Variants in SLC25A26 observed in about 807,000 individuals in gnomAD.
SLC25A26 encodes solute carrier family 25 member 26.
In SLC25A26, 36 loss-of-function variants were observed where a neutral mutation model predicts 37.8. That is an observed-to-expected ratio of 0.95 (90% confidence interval 0.73 to 1.26). The LOEUF (loss-of-function observed/expected upper bound fraction) is 1.26, where lower values mean the gene tolerates loss of function less well. Among genes scored for constraint, SLC25A26 ranks in the 50% most tolerant of loss-of-function variants. The pLI, the probability that SLC25A26 is intolerant of heterozygous loss-of-function variation, is 0.00. For synonymous variants in SLC25A26, 129 were observed against 122.5 expected (o/e 1.05, Z -0.35); for missense variants, 390 against 331.1 (o/e 1.18, Z -1.38).
upstream of SLC25A26, among the ~76,000 whole-genome samples, chr3:66,220,300 A>G (rs1451606161): frequency 3.3e-5 from 5 of 152,196 alleles, no homozygotes; most frequent in East Asian, 9.6e-4. Flanking sequence ...CACGTCTGAG[A>G]TGTAGTTGGC....
chr3:66,280,448 T>C (rs891894827), intron 5 of SLC25A26, among the ~76,000 whole-genome samples: 4 of 152,214 alleles, frequency 2.6e-5, no homozygotes, highest in Non-Finnish European at 5.9e-5. Flanking sequence ...AACCATTTTA[T>C]ATGCTAACAG....
chr3:66,173,974 A>T (rs1342290548), intron 1 of SLC25A26, among the ~76,000 whole-genome samples: 1 of 151,844 alleles, frequency 6.6e-6, no homozygotes, highest in African/African-American at 2.4e-5. Context: ...AATCATTTGA[A>T]CCCAGGAGAT....
At chr3:66,364,177 GAATACCC>G (rs2076775218) in intron 7 of SLC25A26, among the ~76,000 whole-genome samples, 1 of 151,768 alleles carries the variant, frequency 6.6e-6, no homozygotes, top group Non-Finnish European at 1.5e-5. Context: ...CCTATTCCTT[GAATACCC>G]AATTCAAAGA....
At chr3:66,371,243 G>A (rs1378353445) in intron 9 of SLC25A26, 2 of 1,543,502 alleles carry the variant, frequency 1.3e-6, no homozygotes, top group South Asian at 1.2e-5. Context: ...CAAAGCAGTG[G>A]CCTCCCTTTG....
chr3:66,322,522 CT>C (rs2075723041), intron 5 of SLC25A26, among the ~76,000 whole-genome samples: 1 of 152,228 alleles, frequency 6.6e-6, no homozygotes. Context: ...AGCCTCATAA[CT>C]GAGGTTGCAT....
intron 1 of SLC25A26, among the ~76,000 whole-genome samples, chr3:66,159,190 G>A (rs183302605): frequency 1.7e-4 from 26 of 152,318 alleles, no homozygotes; most frequent in African/African-American, 5.5e-4. Context: ...CCCACAGGCC[G>A]GCAAACACTG....
At chr3:66,282,328 T>G (rs1313896733) in intron 5 of SLC25A26, among the ~76,000 whole-genome samples, 1 of 152,120 alleles carries the variant, frequency 6.6e-6, no homozygotes, top group Non-Finnish European at 1.5e-5. Context: ...GCATTTTTAG[T>G]AGAGTTGGAG....
At chr3:66,208,666 ATATATATATATACACATTTATATGGG>A (rs1576638656) in intron 1 of SLC25A26, among the ~76,000 whole-genome samples, 13 of 33,946 alleles carry the variant, frequency 3.8e-4, no homozygotes, top group African/African-American at 7.1e-4. Context: ...ATATGGGTAT[ATATATATATATACACATTTATATGGG>A]TATATATATA....
At chr3:66,134,088 C>T (rs1412307162) in intron 1 of SLC25A26, 1 of 152,274 alleles carries the variant, frequency 6.6e-6, no homozygotes, top group East Asian at 1.9e-4. Flanking sequence ...TGCAACTTAG[C>T]TATTTAGAAG....
At chr3:66,159,976 C>A (rs965044020) in intron 1 of SLC25A26, among the ~76,000 whole-genome samples, 2 of 152,038 alleles carry the variant, frequency 1.3e-5, no homozygotes, top group Admixed American at 1.3e-4. Flanking sequence ...GAAAGACCTG[C>A]GCTGCATTAA....
At chr3:66,353,094 G>C (rs2076496699) in intron 6 of SLC25A26, among the ~76,000 whole-genome samples, 1 of 152,194 alleles carries the variant, frequency 6.6e-6, no homozygotes, top group South Asian at 2.1e-4. Context: ...AACCCAGAGA[G>C]GTGGGCCTTG....
chr3:66,150,000 T>C (rs1172838342), intron 1 of SLC25A26, among the ~76,000 whole-genome samples: 1 of 152,138 alleles, frequency 6.6e-6, no homozygotes, highest in Admixed American at 6.5e-5. Context: ...AACCTATGTT[T>C]ATTCTGTGAC....
At chr3:66,281,358 A>C (rs1295089144) in intron 5 of SLC25A26, among the ~76,000 whole-genome samples, 1 of 152,200 alleles carries the variant, frequency 6.6e-6, no homozygotes, top group African/African-American at 2.4e-5. Context: ...TATTTTGAGA[A>C]CAAGTGATTA....
chr3:66,201,598 A>T (rs1327590065), intron 1 of SLC25A26, among the ~76,000 whole-genome samples: 1 of 152,110 alleles, frequency 6.6e-6, no homozygotes, highest in African/African-American at 2.4e-5. Context: ...ACCCTCCCAA[A>T]ATCCTAAGGT....
chr3:66,220,181 T>C (rs2071430819), upstream of SLC25A26, among the ~76,000 whole-genome samples: 1 of 152,202 alleles, frequency 6.6e-6, no homozygotes, highest in Non-Finnish European at 1.5e-5. Context: ...TTGAGTCGGT[T>C]ACTTGTTGGA....
chr3:66,268,643 TCTGG>T (rs1166270069), intron 5 of SLC25A26, among the ~76,000 whole-genome samples: 1 of 152,154 alleles, frequency 6.6e-6, no homozygotes, highest in African/African-American at 2.4e-5. Flanking sequence ...TGATTGGTAC[TCTGG>T]TAACTGAAAG....
intron 1 of SLC25A26, among the ~76,000 whole-genome samples, chr3:66,211,008 C>T (rs938479159): frequency 2.0e-5 from 3 of 152,176 alleles, no homozygotes; most frequent in Admixed American, 6.5e-5. Flanking sequence ...TGGCACTGCA[C>T]CTGCATGGCA....
rs1489207754 is a variant in SLC25A26 at position 66,369,503 on chromosome 3, C to T, written c.594C>T (p.Thr198=). 1.2e-6 allele frequency: 2 copies of T among 1,605,078 alleles called. No homozygotes were observed. Among genetic ancestry groups the T allele is most frequent in the African/African-American group, 2.7e-5 (2 of 74,814 alleles). ...FAGGFAAAVT[T]PLDVAKTRIT... is the part of the protein sequence containing the mutation. ...GTGGATTTGCCGCTGCAGTCACCAC[C>T]CCTCTAGACGTGGCAAAGACAAGAA... The change falls in exon 8 of 10, where the codon ACC becomes ACT. Residue 198 remains threonine (T), a synonymous_variant. Coordinates refer to ENST00000354883, the MANE Select transcript of SLC25A26 (RefSeq NM_001379210.1).
intron 5 of SLC25A26, among the ~76,000 whole-genome samples, chr3:66,290,425 C>T (rs1454453530): frequency 1.3e-5 from 2 of 152,182 alleles, no homozygotes; most frequent in Admixed American, 6.5e-5. Context: ...AGCTTTTGGT[C>T]ATTCAATATG....
Sources: allele counts gnomAD v4.1 joint callset (sites outside exome capture counted in the v4.1 genomes callset), GRCh38; gene constraint gnomAD v4.1.1; transcripts MANE v1.5; gene names NCBI Gene and HGNC (gene_info 2026-07-23, HGNC 2026-07-21).